Variants in NEK10 observed in about 807,000 individuals in gnomAD.
The protein encoded by NEK10 is serine/threonine-protein kinase Nek10.
Under a neutral mutation model 159.8 loss-of-function variants are expected in NEK10, and 122 were observed. That is an observed-to-expected ratio of 0.76 (90% CI 0.66 to 0.89). The LOEUF (loss-of-function observed/expected upper bound fraction) is 0.89, where lower values mean the gene tolerates loss of function less well. NEK10 is among the 40% of genes least tolerant of loss of function. NEK10 has a pLI of 0.00. For missense variants in NEK10, 1,342 were observed against 1,323.1 expected, an observed-to-expected ratio of 1.01 and a Z score of -0.22; for synonymous variants, 466 against 457.1, an observed-to-expected ratio of 1.02 and a Z score of -0.25.
rs200139220 is a variant in NEK10 at position 27,220,056 on chromosome 3, G to GA, written c.2091-17500dup. On this transcript the variant is annotated intron_variant, in intron 23 of 35. Transcript: ENST00000691995. ...ACACTAAAAAGAGCATAACATCATTGAAAAAAGTTTTTTAAAAAAGACCTA... is the reference window on the plus strand; with the variant it reads ...ACACTAAAAAGAGCATAACATCATTGAAAAAAAGTTTTTTAAAAAAGACCTA... 8.3e-3 allele frequency among the ~76,000 whole-genome samples: 1,267 copies of GA among 152,204 alleles called. 19 individuals carry two copies. The highest frequency in any genetic ancestry group is 0.028 in the African/African-American group (1,164 of 41,512).
chr3:27,136,191 C>T (rs1414639268), intron 31 of NEK10, among the ~76,000 whole-genome samples: 1 of 142,180 alleles, frequency 7.0e-6, no homozygotes, highest in Non-Finnish European at 1.5e-5. Context: ...CATCTCACTG[C>T]AAGCTCCACC....
intron 11 of NEK10, among the ~76,000 whole-genome samples, chr3:27,306,962 C>A (rs1042449338): frequency 6.6e-6 from 1 of 152,150 alleles, no homozygotes; most frequent in Non-Finnish European, 1.5e-5. Flanking sequence ...CTTCTCTTTC[C>A]TCCAGGAAAC....
chr3:27,180,347 A>G (rs1337514813), intron 26 of NEK10, among the ~76,000 whole-genome samples: 1 of 151,014 alleles, frequency 6.6e-6, no homozygotes, highest in African/African-American at 2.4e-5. Flanking sequence ...GTGAGCCAAG[A>G]TCACACCACT....
intron 35 of NEK10, among the ~76,000 whole-genome samples, chr3:27,114,497 G>GTTGAATAATTTTAC (rs1480003346): frequency 6.6e-6 from 1 of 152,148 alleles, no homozygotes; most frequent in Non-Finnish European, 1.5e-5. Flanking sequence ...AGAGCAAGTA[G>GTTGAATAATTTTAC]TTGAATAATT....
chr3:27,161,020 T>C (rs1191715440), intron 30 of NEK10, among the ~76,000 whole-genome samples: 1 of 152,232 alleles, frequency 6.6e-6, no homozygotes, highest in Admixed American at 6.5e-5. Flanking sequence ...AAGAAATGTA[T>C]GTAAACTCTG....
intron 12 of NEK10, among the ~76,000 whole-genome samples, chr3:27,304,505 T>C (rs1219606566): frequency 6.6e-6 from 1 of 152,194 alleles, no homozygotes; most frequent in East Asian, 1.9e-4. Flanking sequence ...AGCACTGTAC[T>C]GGAGGTTGGT....
At position 27,348,541 on chromosome 3, in the gene NEK10, C is replaced by T. The variant is rs916361529; in HGVS notation, c.133-2325G>A. On this transcript the variant is annotated intron_variant, in intron 3 of 35. Transcript: ENST00000691995. ...AAACCTAGAGTCTTTTCTCTTGGGT[C>T]CCCAGTTTGTCTATCTTCTGTGTGT... 4.1e-4 allele frequency among the ~76,000 whole-genome samples: 62 copies of T among 152,112 alleles called. 1 individual carries two copies. Among genetic ancestry groups the T allele is most frequent in the Non-Finnish European group, 5.9e-5 (4 of 68,016 alleles).
intron 30 of NEK10, among the ~76,000 whole-genome samples, chr3:27,156,929 G>GATACATATATATATATAT (rs1553647311): frequency 3.5e-5 from 1 of 28,314 alleles, no homozygotes; most frequent in Non-Finnish European, 7.1e-5. Flanking sequence ...TAAAGAAACT[G>GATACATATATATATATAT]ATATATATAT....
chr3:27,357,971 C>G (rs748512020), intron 1 of NEK10, among the ~76,000 whole-genome samples: 2 of 152,170 alleles, frequency 1.3e-5, no homozygotes, highest in Non-Finnish European at 2.9e-5. Context: ...GTTCTGCATA[C>G]AGTTTCATTA....
chr3:27,158,842 TGAAAA>T (rs995777506), intron 30 of NEK10, among the ~76,000 whole-genome samples: 10 of 152,212 alleles, frequency 6.6e-5, no homozygotes, highest in African/African-American at 2.4e-4. Context: ...AGTATGTACT[TGAAAA>T]GAACACGTTT....
chr3:27,238,057 GAT>G (rs1954138991), intron 23 of NEK10, among the ~76,000 whole-genome samples: 1 of 152,184 alleles, frequency 6.6e-6, no homozygotes, highest in African/African-American at 2.4e-5. Context: ...TTAAGAAGGG[GAT>G]GGTGTGCTAG....
At chr3:27,164,332 T>C (rs1413753952) in intron 29 of NEK10, among the ~76,000 whole-genome samples, 1 of 152,180 alleles carries the variant, frequency 6.6e-6, no homozygotes, top group East Asian at 1.9e-4. Context: ...ACAAATGCCA[T>C]ACCCCAGCAA....
intron 5 of NEK10, among the ~76,000 whole-genome samples, chr3:27,333,512 C>T (rs2101774): frequency 0.096 from 14,427 of 150,640 alleles, 1,533 homozygotes; most frequent in African/African-American, 0.27. Flanking sequence ...CATCATTGCA[C>T]GCCAGCCTGG....
At chr3:27,344,762 C>G (rs1289531545) in intron 4 of NEK10, among the ~76,000 whole-genome samples, 2 of 152,108 alleles carry the variant, frequency 1.3e-5, no homozygotes, top group Non-Finnish European at 2.9e-5. Flanking sequence ...GAGAAGAATT[C>G]CCTCTCCACT....
intron 23 of NEK10, among the ~76,000 whole-genome samples, chr3:27,206,871 G>C (rs1382943384): frequency 2.0e-5 from 3 of 152,132 alleles, no homozygotes; most frequent in Non-Finnish European, 4.4e-5. Context: ...TCTGCAACAG[G>C]AAGATAGCTC....
chr3:27,277,591 C>T (rs1333893628), intron 22 of NEK10, among the ~76,000 whole-genome samples: 10 of 152,212 alleles, frequency 6.6e-5, no homozygotes, highest in Non-Finnish European at 1.5e-4. Flanking sequence ...ACACTATACT[C>T]CTTCATGTCT....
intron 25 of NEK10, among the ~76,000 whole-genome samples, chr3:27,195,991 A>T (rs1360957639): frequency 1.3e-5 from 2 of 152,166 alleles, no homozygotes; most frequent in Non-Finnish European, 2.9e-5. Flanking sequence ...TTAAGGGAGG[A>T]GACCACCCTC....
At chr3:27,203,998 T>TA (rs1202838534) in intron 23 of NEK10, among the ~76,000 whole-genome samples, 435 of 149,730 alleles carry the variant, frequency 2.9e-3, no homozygotes, top group African/African-American at 5.3e-3. Context: ...CTGCTCATGT[T>TA]AAAAAAAAAA....
intron 5 of NEK10, among the ~76,000 whole-genome samples, chr3:27,324,364 G>C (rs1471632534): frequency 1.3e-5 from 2 of 152,186 alleles, no homozygotes; most frequent in Admixed American, 1.3e-4. Flanking sequence ...ACTGAAACTA[G>C]AACCCATGGC....
Sources: gnomAD v4.1 joint callset for allele counts (sites outside exome capture counted in the v4.1 genomes callset) on GRCh38, gnomAD v4.1.1 for gene constraint, MANE v1.5 for transcripts, NCBI Gene and HGNC (gene_info 2026-07-23, HGNC 2026-07-21) for gene names.